Variants in PRKACB observed in about 807,000 individuals in gnomAD.
PRKACB encodes the protein protein kinase cAMP-activated catalytic subunit beta, also known as cAMP-dependent protein kinase catalytic subunit beta.
PRKACB carries 16 observed loss-of-function variants against 51.4 expected under a neutral mutation model. That is an observed-to-expected ratio of 0.31 (90% CI 0.21 to 0.47). The LOEUF (loss-of-function observed/expected upper bound fraction) is 0.47, where lower values mean the gene tolerates loss of function less well. PRKACB is among the 20% of genes least tolerant of loss of function. The probability of loss-of-function intolerance (pLI) is 1.00; values close to 1 mark genes in which losing one functional copy is unlikely to be tolerated. For missense variants in PRKACB, 309 were observed against 464.5 expected, an observed-to-expected ratio of 0.67 and a Z score of 3.08; for synonymous variants, 147 against 154.4, an observed-to-expected ratio of 0.95 and a Z score of 0.35.
At chr1:84,151,579 A>G (rs1360160922) in intron 1 of PRKACB, among the ~76,000 whole-genome samples, 1 of 152,220 alleles carries the variant, frequency 6.6e-6, no homozygotes, top group East Asian at 1.9e-4. Flanking sequence ...AAACCTTGTT[A>G]CTGCTTTACC....
chr1:84,126,462 C>T (rs1388417427), intron 1 of PRKACB, among the ~76,000 whole-genome samples: 2 of 152,174 alleles, frequency 1.3e-5, no homozygotes, highest in Admixed American at 6.5e-5. Flanking sequence ...CAAGCTGCTT[C>T]TCTTTGATGT....
chr1:84,235,125 A>G, intron 9 of PRKACB, 55 bp from the exon 10 acceptor site: 4 of 1,545,444 alleles, frequency 2.6e-6, no homozygotes, highest in Non-Finnish European at 3.5e-6. Context: ...GTGTTTGGAA[A>G]CTCTCAGGAA....
chr1:84,185,227 T>G, intron 5 of PRKACB, 45 bp downstream of exon 5: 4 of 1,363,174 alleles, frequency 2.9e-6, no homozygotes, highest in Non-Finnish European at 4.0e-6. Flanking sequence ...ATGCTTGTGT[T>G]GTTTAACCAG....
chr1:84,120,578 A>G (rs889747217), intron 1 of PRKACB, among the ~76,000 whole-genome samples: 3 of 152,154 alleles, frequency 2.0e-5, no homozygotes, highest in African/African-American at 7.2e-5. Context: ...GAGTCAGACT[A>G]TGAATATGAA....
intron 1 of PRKACB, among the ~76,000 whole-genome samples, chr1:84,170,407 T>G (rs1202996500): frequency 1.3e-5 from 2 of 151,652 alleles, no homozygotes. Flanking sequence ...TGTGCATGTG[T>G]AGGATGCCTC....
intron 9 of PRKACB, among the ~76,000 whole-genome samples, chr1:84,219,161 AT>A (rs1673301940): frequency 2.0e-5 from 3 of 149,070 alleles, no homozygotes; most frequent in Admixed American, 2.0e-4. Context: ...CAATGTGCCT[AT>A]TTTTGTTTTT....
intron 1 of PRKACB, chr1:84,164,655 A>C: frequency 7.2e-7 from 1 of 1,398,208 alleles, no homozygotes; most frequent in Non-Finnish European, 9.3e-7. Context: ...GATATAATTG[A>C]GAACATCTTA....
intron 1 of PRKACB, among the ~76,000 whole-genome samples, chr1:84,101,311 T>G (rs946545202): frequency 8.5e-5 from 13 of 152,164 alleles, no homozygotes; most frequent in African/African-American, 3.1e-4. Flanking sequence ...CCACCCAAAT[T>G]ATCTATGGTA....
chr1:84,172,751 T>C (rs549166158), intron 1 of PRKACB, among the ~76,000 whole-genome samples: 110 of 151,714 alleles, frequency 7.3e-4, no homozygotes, highest in Admixed American at 2.2e-3. Context: ...TAACTAAGAC[T>C]TGATGAAAAA....
chr1:84,164,994 G>A (rs1321035450), intron 1 of PRKACB: 2 of 1,547,306 alleles, frequency 1.3e-6, no homozygotes, highest in South Asian at 1.2e-5. Context: ...TTTTGGAAAG[G>A]TTGGTTTTCA....
chr1:84,221,458 TA>T (rs1371859646), intron 9 of PRKACB, among the ~76,000 whole-genome samples: 2 of 152,154 alleles, frequency 1.3e-5, no homozygotes, highest in East Asian at 3.9e-4. Flanking sequence ...CTCTGATTTT[TA>T]TTATTTCTTT....
At chr1:84,136,961 G>A (rs558208942) in intron 1 of PRKACB, among the ~76,000 whole-genome samples, 2 of 152,270 alleles carry the variant, frequency 1.3e-5, no homozygotes, top group African/African-American at 4.8e-5. Context: ...ACTCATGATA[G>A]TGAGTTTTCA....
Position 84,184,115 on chromosome 1 carries a change from C to T in PRKACB, c.457C>T (p.Arg153Ter), listed in dbSNP as rs1429099607. 6.2e-7 allele frequency: 1 copy of T among 1,603,666 alleles called. No homozygotes were observed. Among genetic ancestry groups the T allele is most frequent in the Non-Finnish European group, 8.5e-7 (1 of 1,174,822 alleles). ...GGCAGTGAATTTTCCTTTCCTTGTT[C>T]GACTGGAGTATGCTTTTAAGGTAAA... ...LQAVNFPFLVRLEYAFKDNSN... is the reference protein window; with the variant it reads ...LQAVNFPFLV The change falls in exon 4 of 10, where the codon CGA (arginine) becomes TGA (stop). Residue 153 changes from arginine to a stop codon, truncating the protein, a stop_gained. Transcript: ENST00000370685. LOFTEE classifies it high-confidence loss of function.
intron 1 of PRKACB, among the ~76,000 whole-genome samples, chr1:84,113,423 A>G (rs1034608924): frequency 1.4e-4 from 21 of 152,206 alleles, no homozygotes; most frequent in African/African-American, 4.8e-4. Flanking sequence ...TGCTGGTGGA[A>G]ATATAAAATG....
intron 2 of PRKACB, among the ~76,000 whole-genome samples, chr1:84,180,347 T>C (rs1380111750): frequency 6.6e-6 from 1 of 151,012 alleles, no homozygotes; most frequent in African/African-American, 2.4e-5. Flanking sequence ...ATGTTCTCAC[T>C]GATATGTGGG....
intron 1 of PRKACB, among the ~76,000 whole-genome samples, chr1:84,169,484 A>G (rs895957676): frequency 6.6e-6 from 1 of 151,780 alleles, no homozygotes; most frequent in Admixed American, 6.6e-5. Context: ...CAGAATAATC[A>G]TTGCAGAAAA....
intron 8 of PRKACB, among the ~76,000 whole-genome samples, chr1:84,205,737 T>A (rs1671239056): frequency 6.6e-6 from 1 of 152,114 alleles, no homozygotes; most frequent in Non-Finnish European, 1.5e-5. Flanking sequence ...TAACTCAAGC[T>A]GGTATTTTTA....
At chr1:84,198,888 A>ATG (rs1445397171) in intron 7 of PRKACB, among the ~76,000 whole-genome samples, 2 of 148,146 alleles carry the variant, frequency 1.4e-5, no homozygotes, top group African/African-American at 2.5e-5. Context: ...ATGTGTATAT[A>ATG]TGTGTATATA....
chr1:84,155,670 A>G (rs1655406499), intron 1 of PRKACB, among the ~76,000 whole-genome samples: 1 of 152,228 alleles, frequency 6.6e-6, no homozygotes, highest in Non-Finnish European at 1.5e-5. Flanking sequence ...GAAAGAAGTA[A>G]TAAGTTGAAC....
Sources: allele counts gnomAD v4.1 joint callset (sites outside exome capture counted in the v4.1 genomes callset), GRCh38; gene constraint gnomAD v4.1.1; transcripts MANE v1.5; gene names NCBI Gene and HGNC (gene_info 2026-07-23, HGNC 2026-07-21).